EYS: variants seen among roughly 807,000 people sequenced by gnomAD.
The protein encoded by EYS is protein eyes shut homolog.
EYS carries 250 observed loss-of-function variants against 282.1 expected under a neutral mutation model. That is an observed-to-expected ratio of 0.89 (90% CI 0.80 to 0.98). The LOEUF is 0.98. Among genes scored for constraint, EYS ranks in the 50% least tolerant of loss-of-function variants. The pLI is 0.00. For synonymous variants in EYS, 1,355 were observed against 1,282.9 expected, an observed-to-expected ratio of 1.06 and a Z score of -1.20; for missense variants, 4,016 against 3,709.0, an observed-to-expected ratio of 1.08 and a Z score of -2.15.
At chr6:64,697,760 T>C (rs1770633872) in intron 22 of EYS, among the ~76,000 whole-genome samples, 1 of 151,806 alleles carries the variant, frequency 6.6e-6, no homozygotes, top group African/African-American at 2.4e-5. Context: ...TGGCTAACAC[T>C]GTGAAACCCC....
At chr6:63,938,001 AATG>A (rs1392951007) in intron 35 of EYS, among the ~76,000 whole-genome samples, 2 of 152,322 alleles carry the variant, frequency 1.3e-5, no homozygotes, top group East Asian at 3.9e-4. Flanking sequence ...ATTTAATTGG[AATG>A]ATATTTCTCA....
At chr6:65,580,865 A>AT (rs552163955) in intron 2 of EYS, among the ~76,000 whole-genome samples, 32 of 152,166 alleles carry the variant, frequency 2.1e-4, no homozygotes, top group African/African-American at 6.7e-4. Flanking sequence ...ATTAAAGGCC[A>AT]TTTTTTATCT....
chr6:64,095,054 T>C (rs1772539335), intron 31 of EYS, among the ~76,000 whole-genome samples: 1 of 152,194 alleles, frequency 6.6e-6, no homozygotes, highest in African/African-American at 2.4e-5. Flanking sequence ...TTCCATGTGG[T>C]TGAGCGGTTT....
chr6:64,465,702 G>T (rs1000166038), intron 26 of EYS, among the ~76,000 whole-genome samples: 2 of 150,410 alleles, frequency 1.3e-5, no homozygotes, highest in African/African-American at 2.4e-5. Flanking sequence ...GATTTTTTTG[G>T]ATGTGAACCA....
At chr6:65,252,146 T>G (rs901591043) in intron 12 of EYS, among the ~76,000 whole-genome samples, 9 of 151,874 alleles carry the variant, frequency 5.9e-5, no homozygotes, top group African/African-American at 2.2e-4. Context: ...AACCCCAACT[T>G]CCTGGCAAGA....
chr6:63,957,123 A>AATCCTCTC (rs1375944934), intron 35 of EYS, among the ~76,000 whole-genome samples: 1 of 143,182 alleles, frequency 7.0e-6, no homozygotes, highest in Non-Finnish European at 1.6e-5. Flanking sequence ...GATGAAGCTT[A>AATCCTCTC]TGTAAGACAA....
intron 2 of EYS, among the ~76,000 whole-genome samples, chr6:65,561,294 G>T (rs564923175): frequency 2.0e-5 from 3 of 152,156 alleles, no homozygotes; most frequent in African/African-American, 7.2e-5. Flanking sequence ...CACAAAATTG[G>T]CTTAGGCAAA....
intron 30 of EYS, among the ~76,000 whole-genome samples, chr6:64,303,434 A>G (rs1298799652): frequency 1.3e-5 from 2 of 152,212 alleles, no homozygotes; most frequent in African/African-American, 4.8e-5. Flanking sequence ...CTCTTCAATC[A>G]ACAAAGCCTG....
chr6:64,347,539 A>G (rs1771455393), intron 29 of EYS, among the ~76,000 whole-genome samples: 1 of 151,254 alleles, frequency 6.6e-6, no homozygotes, highest in African/African-American at 2.4e-5. Flanking sequence ...AGATGGCTAT[A>G]GTGGGTTTGT....
At chr6:64,469,364 T>A (rs1457662697) in intron 26 of EYS, among the ~76,000 whole-genome samples, 1 of 152,162 alleles carries the variant, frequency 6.6e-6, no homozygotes, top group Non-Finnish European at 1.5e-5. Context: ...AGAATAGTTA[T>A]ACCAGATATA....
chr6:64,658,141 C>G (rs571084005), intron 22 of EYS, among the ~76,000 whole-genome samples: 1 of 152,272 alleles, frequency 6.6e-6, no homozygotes, highest in African/African-American at 2.4e-5. Context: ...TTCCAGTTAA[C>G]AAATCGGCTA....
At chr6:64,539,707 C>T (rs987310917) in intron 26 of EYS, among the ~76,000 whole-genome samples, 2 of 152,194 alleles carry the variant, frequency 1.3e-5, no homozygotes, top group African/African-American at 4.8e-5. Flanking sequence ...CCAGGGTGAC[C>T]TCTAAGAAAC....
In EYS at chr6:64,639,429, T is replaced by G. The variant is rs1768057049; in HGVS notation, c.3444-13184A>C. Among the ~76,000 whole-genome samples, 2 of 91,504 alleles carry G rather than the reference T, an allele frequency of 2.2e-5. 1 individual carries two copies. The highest frequency in any genetic ancestry group is 4.7e-5 in the Non-Finnish European group (2 of 42,434). 60.0% of individuals were successfully genotyped at this position (91,504 alleles called of 152,430 possible). A position where few individuals can be genotyped will look rare whatever the true frequency, so the allele number is the denominator to read the frequency against. On this transcript the variant is annotated intron_variant, in intron 22 of 42. Coordinates refer to ENST00000503581, the MANE Select transcript of EYS (RefSeq NM_001142800.2). Reference sequence around the variant, plus strand: ...GCTCAGTTATAAGCATTATACAAATTTTTCCCATTTCTTAATATACAAACC... The same window carrying G: ...GCTCAGTTATAAGCATTATACAAATGTTTCCCATTTCTTAATATACAAACC...
At chr6:64,097,905 A>G (rs78728147) in intron 31 of EYS, among the ~76,000 whole-genome samples, 5,222 of 152,336 alleles carry the variant, frequency 0.034, 266 homozygotes, top group African/African-American at 0.11. Context: ...AAAAATGTTT[A>G]TAAAAAGTGA....
At chr6:64,829,763 A>T (rs1434285420) in intron 19 of EYS, among the ~76,000 whole-genome samples, 1 of 151,892 alleles carries the variant, frequency 6.6e-6, no homozygotes. Flanking sequence ...AATAGGTATA[A>T]TATATGGAAT....
At chr6:64,045,349 G>C (rs1711525548) in intron 33 of EYS, among the ~76,000 whole-genome samples, 1 of 150,812 alleles carries the variant, frequency 6.6e-6, no homozygotes, top group African/African-American at 2.4e-5. Flanking sequence ...TTTTCCCGAA[G>C]AGTAACTCAT....
intron 2 of EYS, among the ~76,000 whole-genome samples, chr6:65,536,407 C>T (rs1392570882): frequency 6.6e-6 from 1 of 151,294 alleles, no homozygotes; most frequent in Admixed American, 6.6e-5. Flanking sequence ...TAGGTGACAC[C>T]TTTATCAAAT....
At chr6:64,633,950 C>T (rs1398184858) in intron 22 of EYS, among the ~76,000 whole-genome samples, 1 of 152,084 alleles carries the variant, frequency 6.6e-6, no homozygotes, top group African/African-American at 2.4e-5. Context: ...TCTTGACTCA[C>T]AGAAATGGTG....
chr6:64,659,600 A>G (rs1280991338), intron 22 of EYS, among the ~76,000 whole-genome samples: 1 of 152,196 alleles, frequency 6.6e-6, no homozygotes, highest in East Asian at 1.9e-4. Context: ...AGAGAATACT[A>G]TAAACACCTC....
Sources: allele counts gnomAD v4.1 joint callset (sites outside exome capture counted in the v4.1 genomes callset), GRCh38; gene constraint gnomAD v4.1.1; transcripts MANE v1.5; gene names NCBI Gene and HGNC (gene_info 2026-07-23, HGNC 2026-07-21).